The following NRXN1 variants were observed in gnomAD, a reference collection of about 807,000 sequenced individuals.
The protein encoded by NRXN1 is neurexin-1.
In NRXN1, 39 loss-of-function variants were observed where a neutral mutation model predicts 150.9. The observed-to-expected ratio is 0.26, with a 90% CI of 0.20 to 0.34. NRXN1 has a LOEUF of 0.34. NRXN1 is among the 10% of genes least tolerant of loss of function. NRXN1 has a pLI of 1.00. For missense variants in NRXN1, 1,815 were observed against 1,949.9 expected (o/e 0.93, Z 1.30); for synonymous variants, 924 against 757.0 (o/e 1.22, Z -3.62).
At chr2:50,661,331 T>C (rs1687271193) in intron 5 of NRXN1, among the ~76,000 whole-genome samples, 1 of 151,886 alleles carries the variant, frequency 6.6e-6, no homozygotes, top group African/African-American at 2.4e-5. Flanking sequence ...TAGACGTGCA[T>C]TTTTTTGTGG....
chr2:50,055,821 T>G (rs770588705), intron 19 of NRXN1, among the ~76,000 whole-genome samples: 21 of 152,332 alleles, frequency 1.4e-4, no homozygotes, highest in Non-Finnish European at 2.5e-4. Context: ...CTGCTTTTTA[T>G]TAAGTTATTC....
chr2:50,568,895 T>C (rs1670247902), intron 8 of NRXN1, among the ~76,000 whole-genome samples: 1 of 152,146 alleles, frequency 6.6e-6, no homozygotes, highest in Non-Finnish European at 1.5e-5. Context: ...GCAACCTAAG[T>C]GTCCACCAAC....
chr2:50,070,990 G>A (rs936168170), intron 19 of NRXN1, among the ~76,000 whole-genome samples: 13 of 152,250 alleles, frequency 8.5e-5, no homozygotes, highest in African/African-American at 2.9e-4. Flanking sequence ...TCTAAATGCA[G>A]AACAGAATGA....
chr2:50,847,979 T>C (rs1229519661), intron 5 of NRXN1, among the ~76,000 whole-genome samples: 2 of 152,166 alleles, frequency 1.3e-5, no homozygotes, highest in Non-Finnish European at 2.9e-5. Context: ...CCGATTCTTC[T>C]GGCACACCAA....
chr2:49,997,159 G>A (rs1050523860), intron 21 of NRXN1, among the ~76,000 whole-genome samples: 2 of 152,056 alleles, frequency 1.3e-5, no homozygotes, highest in Non-Finnish European at 2.9e-5. Context: ...CAACACGGTG[G>A]GTGGACAGTT....
intron 9 of NRXN1, among the ~76,000 whole-genome samples, chr2:50,549,271 C>A (rs1484745215): frequency 6.6e-6 from 1 of 151,994 alleles, no homozygotes; most frequent in Non-Finnish European, 1.5e-5. Context: ...ATGCAGTGTG[C>A]AAATATGGAA....
chr2:50,611,688 T>C (rs921944561), intron 8 of NRXN1, among the ~76,000 whole-genome samples: 4 of 152,218 alleles, frequency 2.6e-5, no homozygotes, highest in South Asian at 4.1e-4. Context: ...GTGTTTTCTG[T>C]GCATTCCTGT....
chr2:50,981,681 T>A (rs560039740), intron 2 of NRXN1, among the ~76,000 whole-genome samples: 55 of 152,050 alleles, frequency 3.6e-4, no homozygotes, highest in African/African-American at 1.2e-3. Context: ...CATTACGATA[T>A]CTTTGACAGC....
chr2:50,078,689 A>G (rs1697460880), intron 19 of NRXN1, among the ~76,000 whole-genome samples: 2 of 151,954 alleles, frequency 1.3e-5, no homozygotes, highest in African/African-American at 4.8e-5. Flanking sequence ...AATGTCCCTC[A>G]ATTTTGGTTT....
chr2:50,279,960 TA>T (rs2071188027), intron 17 of NRXN1, among the ~76,000 whole-genome samples: 2 of 152,132 alleles, frequency 1.3e-5, no homozygotes, highest in South Asian at 4.1e-4. Context: ...TCCCTCCAAT[TA>T]AGAAAAAGTA....
chr2:50,714,873 C>G (rs1240349649), intron 5 of NRXN1, among the ~76,000 whole-genome samples: 1 of 151,954 alleles, frequency 6.6e-6, no homozygotes, highest in African/African-American at 2.4e-5. Context: ...GGTAGTAACA[C>G]CTAGTATATT....
chr2:50,715,081 T>A (rs544912164), intron 5 of NRXN1, among the ~76,000 whole-genome samples: 4 of 152,176 alleles, frequency 2.6e-5, no homozygotes, highest in Admixed American at 1.3e-4. Flanking sequence ...CATTATTCTA[T>A]GGAAAACAAT....
rs549258488 is a variant in NRXN1, at chr2:50,652,667, G to A, written c.833-29052C>T. ...TGCTATGCTGTGAACATCTGTGAAC[G>A]AATTTTTGTATAGACACATGTTTTC... On this transcript the variant is annotated intron_variant, in intron 5 of 22. Coordinates refer to ENST00000401669, the MANE Select transcript of NRXN1 (RefSeq NM_001330078.2). Among the ~76,000 whole-genome samples the A allele has an allele frequency of 3.9e-5, 6 of 152,012 alleles. 1 individual carries two copies. Among genetic ancestry groups the A allele is most frequent in the South Asian group, 4.1e-4 (2 of 4,820 alleles).
intron 18 of NRXN1, among the ~76,000 whole-genome samples, chr2:50,185,839 A>C (rs1423483280): frequency 6.6e-6 from 1 of 152,122 alleles, no homozygotes; most frequent in African/African-American, 2.4e-5. Context: ...CACATCATTC[A>C]TGTGAGCAAA....
intron 18 of NRXN1, among the ~76,000 whole-genome samples, chr2:50,230,450 T>C (rs1264378891): frequency 6.6e-6 from 1 of 152,020 alleles, no homozygotes; most frequent in Non-Finnish European, 1.5e-5. Flanking sequence ...GGCATCAATG[T>C]GTTTTAACAA....
chr2:50,670,097 T>C (rs754977305), intron 5 of NRXN1, among the ~76,000 whole-genome samples: 35 of 151,990 alleles, frequency 2.3e-4, no homozygotes, highest in Non-Finnish European at 4.9e-4. Context: ...CCTAGCTGCA[T>C]ATATTTATCT....
chr2:50,855,270 A>T (rs564190180), intron 5 of NRXN1, among the ~76,000 whole-genome samples: 1 of 152,162 alleles, frequency 6.6e-6, no homozygotes, highest in African/African-American at 2.4e-5. Flanking sequence ...TATAAAAAAA[A>T]CTTTAACTTT....
At chr2:50,562,810 C>T (rs1012510694) in intron 8 of NRXN1, among the ~76,000 whole-genome samples, 7 of 152,014 alleles carry the variant, frequency 4.6e-5, no homozygotes, top group African/African-American at 1.4e-4. Context: ...TGGCTGAGCA[C>T]GCTGTTCTGT....
Position 50,227,163 on chromosome 2 carries a change from A to G in NRXN1, c.3546+9626T>C, listed in dbSNP as rs578215414. The stretch of plus-strand genomic sequence containing the variant: ...AAATGCAAGAGTACACAAAGACGGG[A>G]AAAAAAAAAAAAAGGAAGTTTGTTG... On this transcript the variant is annotated intron_variant, in intron 18 of 22. Transcript: ENST00000401669. 7.4e-3 allele frequency among the ~76,000 whole-genome samples: 175 copies of G among 23,506 alleles called. 1 individual carries two copies. The highest frequency in any genetic ancestry group is 0.016 in the South Asian group (16 of 1,000). The allele number at this position is 23,506 out of a possible 152,430, so 15.4% of individuals were successfully genotyped here.
Sources: allele counts gnomAD v4.1 joint callset (sites outside exome capture counted in the v4.1 genomes callset), GRCh38; gene constraint gnomAD v4.1.1; transcripts MANE v1.5; gene names NCBI Gene and HGNC (gene_info 2026-07-23, HGNC 2026-07-21).